Variants in PCBP3 observed in about 807,000 individuals in gnomAD.
The protein encoded by PCBP3 is poly(rC) binding protein 3, also known as poly(rC)-binding protein 3.
A neutral mutation model predicts 52.7 loss-of-function variants in PCBP3; 25 were observed. The observed-to-expected ratio is 0.47, with a 90% CI of 0.35 to 0.66. PCBP3 has a LOEUF of 0.66. Among genes scored for constraint, PCBP3 ranks in the 30% least tolerant of loss-of-function variants. The pLI, the probability that PCBP3 is intolerant of heterozygous loss-of-function variation, is 0.01. For missense variants in PCBP3, 391 were observed against 490.3 expected (o/e 0.80, Z 1.91); for synonymous variants, 162 against 183.0 (o/e 0.89, Z 0.93).
chr21:45,886,502 A>G (rs57949899), intron 5 of PCBP3, among the ~76,000 whole-genome samples: 1,017 of 72,410 alleles, frequency 0.014, 11 homozygotes, highest in African/African-American at 0.044. Flanking sequence ...AGGACGTGGT[A>G]AGGTGTGGAG....
intron 13 of PCBP3, among the ~76,000 whole-genome samples, chr21:45,919,703 G>C (rs2074125823): frequency 6.6e-6 from 1 of 152,210 alleles, no homozygotes; most frequent in Non-Finnish European, 1.5e-5. Flanking sequence ...GTCAGCTGTA[G>C]ACACCAGTGC....
At chr21:45,885,839 C>T (rs1162478075) in intron 5 of PCBP3, among the ~76,000 whole-genome samples, 2 of 152,228 alleles carry the variant, frequency 1.3e-5, no homozygotes, top group African/African-American at 2.4e-5. Flanking sequence ...ACTTCTTTGT[C>T]AGAGGATTCC....
Position 45,725,840 on chromosome 21 carries a change from A to G in PCBP3, c.-199-9552A>G, listed in dbSNP as rs545616925. Among the ~76,000 whole-genome samples the G allele has an allele frequency of 8.0e-5, 12 of 149,114 alleles. No homozygotes were observed. The East Asian group carries it at 2.3e-3, about 28-fold the overall frequency. On this transcript the variant is annotated intron_variant, in intron 2 of 17. Transcript: ENST00000681687. ...GCATGTGTCTAGGCAGGAGGCGTGC[A>G]TGGAGCAAAGACCTGATGGAGGAAA...
At chr21:45,784,354 C>A (rs1414808181) in intron 4 of PCBP3, among the ~76,000 whole-genome samples, 1 of 144,428 alleles carries the variant, frequency 6.9e-6, no homozygotes, top group East Asian at 2.0e-4. Context: ...CTACCTCTAC[C>A]TCTACCTCTA....
intron 4 of PCBP3, among the ~76,000 whole-genome samples, chr21:45,790,853 G>A (rs2091489752): frequency 6.6e-6 from 1 of 152,186 alleles, no homozygotes; most frequent in Admixed American, 6.5e-5. Flanking sequence ...GAGGGAGAAG[G>A]ACAGCAGAGG....
intron 2 of PCBP3, among the ~76,000 whole-genome samples, chr21:45,690,516 A>G (rs1412649753): frequency 6.6e-6 from 1 of 152,180 alleles, no homozygotes; most frequent in African/African-American, 2.4e-5. Flanking sequence ...TTTGCAAGAC[A>G]CCATTTACAA....
chr21:45,874,990 GC>G (rs1254380804), intron 5 of PCBP3, among the ~76,000 whole-genome samples: 1 of 152,208 alleles, frequency 6.6e-6, no homozygotes, highest in East Asian at 1.9e-4. Flanking sequence ...GCCTGGGCCA[GC>G]CCCCTGTCCA....
At chr21:45,888,666 T>C (rs936669080) in intron 5 of PCBP3, among the ~76,000 whole-genome samples, 3 of 152,274 alleles carry the variant, frequency 2.0e-5, no homozygotes, top group African/African-American at 7.2e-5. Flanking sequence ...AGACCCGCAA[T>C]TGGAGCTGAA....
In PCBP3 at chr21:45,788,468, A is replaced by T. The variant is rs1207623203; in HGVS notation, c.-126+33016A>T. On this transcript the variant is annotated intron_variant, in intron 4 of 17. Transcript: ENST00000681687. This position sits in a 1 kb window ranked among gnomAD's most constrained non-coding sequence, Gnocchi z 4.3. The stretch of plus-strand genomic sequence containing the variant: ...ACCTGTGACCCTGCCTGCCCTGCCC[A>T]GCTTCGCCCCCATGTCTGCCTGTCC... 2 of 154,240 alleles carry T rather than the reference A, an allele frequency of 1.3e-5. No homozygotes were observed. Among genetic ancestry groups the T allele is most frequent in the African/African-American group, 4.8e-5 (2 of 41,458 alleles). The allele number at this position is 154,240 out of a possible 1,614,324, so 9.6% of individuals were successfully genotyped here. A position where few individuals can be genotyped will look rare whatever the true frequency, so the allele number is the denominator to read the frequency against.
At chr21:45,919,455 C>G (rs1304762511) in intron 13 of PCBP3, 2 of 152,122 alleles carry the variant, frequency 1.3e-5, no homozygotes, top group Non-Finnish European at 2.9e-5. Context: ...AGTTAATGAA[C>G]ATTAAATAAA....
chr21:45,763,041 TTGCTGCTTG>T (rs2088871076), intron 4 of PCBP3: 1 of 152,234 alleles, frequency 6.6e-6, no homozygotes, highest in Non-Finnish European at 1.5e-5. Flanking sequence ...CACATCTTCC[TTGCTGCTTG>T]TTTAGGATTG....
chr21:45,784,414 C>G (rs1252901432), intron 4 of PCBP3, among the ~76,000 whole-genome samples: 1 of 140,502 alleles, frequency 7.1e-6, no homozygotes, highest in Non-Finnish European at 1.6e-5. Flanking sequence ...CTACCGCTAC[C>G]GCTACCCCTA....
At chr21:45,643,894 C>T in intron 1 of PCBP3, 26 bp downstream of exon 1, 1 of 148,826 alleles carries the variant, frequency 6.7e-6, no homozygotes, top group Non-Finnish European at 1.5e-5. Flanking sequence ...CGGGCGGGGT[C>T]GGGGTCGGGC....
At chr21:45,864,783 T>G (rs540722170) in intron 5 of PCBP3, among the ~76,000 whole-genome samples, 45 of 152,344 alleles carry the variant, frequency 3.0e-4, no homozygotes, top group South Asian at 1.2e-3. Context: ...AATTTGTGTT[T>G]TAACTCGCTT....
intron 3 of PCBP3, among the ~76,000 whole-genome samples, chr21:45,739,625 T>G (rs2086255113): frequency 1.1e-5 from 1 of 87,460 alleles, no homozygotes. Context: ...TTCCTGTCCA[T>G]TGTCCTCTGG....
intron 2 of PCBP3, among the ~76,000 whole-genome samples, chr21:45,684,843 G>C (rs771934644): frequency 6.6e-6 from 1 of 152,192 alleles, no homozygotes; most frequent in African/African-American, 2.4e-5. Flanking sequence ...TTAAACCAGA[G>C]AAATATGAAT....
intron 5 of PCBP3, among the ~76,000 whole-genome samples, chr21:45,873,951 A>T (rs1483140595): frequency 6.6e-6 from 1 of 152,244 alleles, no homozygotes; most frequent in Non-Finnish European, 1.5e-5. Flanking sequence ...TTTTGTAGAA[A>T]CAAGGTCTCC....
At chr21:45,672,422 T>C (rs2081229821) in intron 2 of PCBP3, among the ~76,000 whole-genome samples, 1 of 152,022 alleles carries the variant, frequency 6.6e-6, no homozygotes, top group Non-Finnish European at 1.5e-5. Context: ...ACAGCCTGCT[T>C]TCTGCTTGTG....
intron 5 of PCBP3, chr21:45,871,566 G>A (rs1337091891): frequency 6.6e-6 from 1 of 152,514 alleles, no homozygotes; most frequent in Non-Finnish European, 1.5e-5. Flanking sequence ...GCAGGGGCGT[G>A]GGGTGTGGAA....
Sources: gnomAD v4.1 joint callset for allele counts (sites outside exome capture counted in the v4.1 genomes callset) on GRCh38, gnomAD v4.1.1 for gene constraint, Gnocchi (gnomAD v3.1) non-coding constraint, MANE v1.5 for transcripts, NCBI Gene and HGNC (gene_info 2026-07-23, HGNC 2026-07-21) for gene names.